ZNF385D: variants seen among roughly 807,000 people sequenced by gnomAD.
ZNF385D encodes zinc finger protein 659.
Under a neutral mutation model 35.8 loss-of-function variants are expected in ZNF385D, and 15 were observed. The ratio of observed to expected loss-of-function variants is 0.42; its 90% CI spans 0.28 to 0.64. The LOEUF is 0.64. Ranked by LOEUF, ZNF385D falls within the 30% of genes least tolerant of loss-of-function variation. ZNF385D has a pLI of 0.23. For synonymous variants in ZNF385D, 212 were observed against 186.8 expected, an observed-to-expected ratio of 1.13 and a Z score of -1.10; for missense variants, 474 against 494.6, an observed-to-expected ratio of 0.96 and a Z score of 0.39.
At chr3:22,135,289 A>C (rs7613905) in intron 3 of ZNF385D, among the ~76,000 whole-genome samples, 6,203 of 152,092 alleles carry the variant, frequency 0.041, 379 homozygotes, top group African/African-American at 0.13. Flanking sequence ...TTCAGCAGAT[A>C]TAAGGTCAAC....
intron 2 of ZNF385D, among the ~76,000 whole-genome samples, chr3:21,566,050 T>TATTA (rs954854147): frequency 3.0e-4 from 45 of 152,302 alleles, no homozygotes; most frequent in African/African-American, 1.1e-3. Flanking sequence ...TCACAACTCC[T>TATTA]ATTAGGTTGT....
chr3:22,101,046 C>G (rs933869986), intron 3 of ZNF385D, among the ~76,000 whole-genome samples: 1 of 151,842 alleles, frequency 6.6e-6, no homozygotes, highest in Non-Finnish European at 1.5e-5. Context: ...AATATGGCTT[C>G]TGAGGTACCT....
intron 3 of ZNF385D, among the ~76,000 whole-genome samples, chr3:22,019,745 A>G (rs925493379): frequency 1.3e-5 from 2 of 151,890 alleles, no homozygotes; most frequent in Non-Finnish European, 2.9e-5. Context: ...TCTATGCAGG[A>G]ACAGCTACAT....
At chr3:21,751,968 C>T (rs1000788499), upstream of ZNF385D, among the ~76,000 whole-genome samples, 1 of 150,868 alleles carries the variant, frequency 6.6e-6, no homozygotes, top group Non-Finnish European at 1.5e-5. Flanking sequence ...TAGTTAGAGT[C>T]CAGTCACCAA....
chr3:22,200,085 C>A (rs1281110426), intron 2 of ZNF385D, among the ~76,000 whole-genome samples: 1 of 152,024 alleles, frequency 6.6e-6, no homozygotes, highest in East Asian at 1.9e-4. Flanking sequence ...CTGTCAAAGA[C>A]AGAATAGGAA....
rs1448051062 is a variant in ZNF385D, at chr3:22,211,223, A to G, written c.107-42188T>C. Among the ~76,000 whole-genome samples, 13 of 152,100 alleles carry G rather than the reference A, an allele frequency of 8.5e-5. No homozygotes were observed. The South Asian group carries it at 2.1e-3, about 24-fold the overall frequency. On this transcript the variant is annotated intron_variant, in intron 2 of 5. Coordinates refer to the ZNF385D transcript ENST00000494108. ...TATTTATAGTTATTATTATATCTGT[A>G]GTACATACCAGATACTTAATAAAGC... is the stretch of plus-strand genomic sequence containing the variant.
intron 3 of ZNF385D, among the ~76,000 whole-genome samples, chr3:22,057,788 A>G (rs1263492706): frequency 1.3e-5 from 2 of 152,174 alleles, no homozygotes; most frequent in Admixed American, 6.5e-5. Context: ...TGCTGGGATT[A>G]CAGGCTTGAG....
intron 2 of ZNF385D, among the ~76,000 whole-genome samples, chr3:22,321,164 G>GTTTTTTTTTTT: frequency 3.9e-3 from 295 of 75,810 alleles, no homozygotes; most frequent in Middle Eastern, 0.017. Context: ...TTATGACCTT[G>GTTTTTTTTTTT]TTTTTTTTTT....
chr3:21,803,112 G>A (rs925226710), intron 3 of ZNF385D, among the ~76,000 whole-genome samples: 6 of 152,140 alleles, frequency 3.9e-5, no homozygotes, highest in Non-Finnish European at 8.8e-5. Context: ...ACACCCAGGG[G>A]TTTGGGAGGG....
chr3:21,635,338 C>T (rs908600900), intron 2 of ZNF385D, among the ~76,000 whole-genome samples: 2 of 152,000 alleles, frequency 1.3e-5, no homozygotes, highest in African/African-American at 2.4e-5. Flanking sequence ...ATGCCTGGTC[C>T]GTTCGACATG....
At chr3:21,762,732 T>A (rs2070673360) in intron 3 of ZNF385D, among the ~76,000 whole-genome samples, 1 of 152,176 alleles carries the variant, frequency 6.6e-6, no homozygotes, top group African/African-American at 2.4e-5. Context: ...CCTAGAGGTA[T>A]CATCTCAGCT....
intron 4 of ZNF385D, among the ~76,000 whole-genome samples, chr3:21,456,599 G>A (rs1487471643): frequency 6.6e-6 from 1 of 152,084 alleles, no homozygotes; most frequent in Non-Finnish European, 1.5e-5. Flanking sequence ...GGTGGGGGGA[G>A]TAAGGAGGGA....
chr3:21,916,269 A>T (rs979481465), intron 3 of ZNF385D, among the ~76,000 whole-genome samples: 9 of 152,190 alleles, frequency 5.9e-5, no homozygotes, highest in Non-Finnish European at 1.3e-4. Flanking sequence ...AGATTTTGTC[A>T]ATTTAAATAA....
At chr3:21,627,287 G>GTGTA (rs2065163617) in intron 2 of ZNF385D, among the ~76,000 whole-genome samples, 1 of 144,378 alleles carries the variant, frequency 6.9e-6, no homozygotes, top group Non-Finnish European at 1.5e-5. Flanking sequence ...GTGTGTGTGT[G>GTGTA]AATTACTACT....
At chr3:22,198,596 C>A (rs916788470) in intron 2 of ZNF385D, among the ~76,000 whole-genome samples, 1 of 151,992 alleles carries the variant, frequency 6.6e-6, no homozygotes, top group Non-Finnish European at 1.5e-5. Flanking sequence ...AACCTGGCCT[C>A]GACATATTTA....
At chr3:21,732,052 TTTTTTTTTTTTTTTTTTG>T (rs2069036725) in intron 1 of ZNF385D, among the ~76,000 whole-genome samples, 5 of 69,478 alleles carry the variant, frequency 7.2e-5, no homozygotes, top group East Asian at 5.1e-4. Context: ...TTTTTTTTTT[TTTTTTTTTTTTTTTTTTG>T]AGAACGGAGT....
intron 3 of ZNF385D, among the ~76,000 whole-genome samples, chr3:22,023,986 G>A (rs1440751906): frequency 6.6e-6 from 1 of 152,102 alleles, no homozygotes; most frequent in Non-Finnish European, 1.5e-5. Flanking sequence ...TGATCCCCTG[G>A]GTATGTCTGT....
At chr3:22,077,452 A>G (rs1242875243) in intron 3 of ZNF385D, among the ~76,000 whole-genome samples, 1 of 152,002 alleles carries the variant, frequency 6.6e-6, no homozygotes, top group Admixed American at 6.6e-5. Flanking sequence ...ATGCTGATGT[A>G]ATTTGGTCCA....
chr3:22,172,224 G>A (rs1430612957), intron 2 of ZNF385D, among the ~76,000 whole-genome samples: 2 of 152,158 alleles, frequency 1.3e-5, no homozygotes, highest in African/African-American at 4.8e-5. Flanking sequence ...TATTTAACAT[G>A]TTCAAGAACT....
Sources: gnomAD v4.1 joint callset for allele counts (sites outside exome capture counted in the v4.1 genomes callset) on GRCh38, gnomAD v4.1.1 for gene constraint, MANE v1.5 for transcripts, NCBI Gene and HGNC (gene_info 2026-07-23, HGNC 2026-07-21) for gene names.